CNOT10: variants seen among roughly 807,000 people sequenced by gnomAD.
The protein encoded by CNOT10 is CCR4-NOT transcription complex subunit 10.
CNOT10 carries 30 observed loss-of-function variants against 94.6 expected under a neutral mutation model. That is an observed-to-expected ratio of 0.32 (90% confidence interval 0.24 to 0.43). The LOEUF (loss-of-function observed/expected upper bound fraction) is 0.43. Ranked by LOEUF, CNOT10 falls within the 20% of genes least tolerant of loss-of-function variation. CNOT10 has a pLI of 1.00. For missense variants in CNOT10, 759 were observed against 877.2 expected, an observed-to-expected ratio of 0.87 and a Z score of 1.70; for synonymous variants, 289 against 301.6, an observed-to-expected ratio of 0.96 and a Z score of 0.43.
intron 10 of CNOT10, among the ~76,000 whole-genome samples, chr3:32,733,157 A>C (rs1203182916): frequency 6.6e-6 from 1 of 152,154 alleles, no homozygotes; most frequent in Non-Finnish European, 1.5e-5. Flanking sequence ...GATTCTAAAT[A>C]AATTATTGGG....
At chr3:32,700,845 T>C (rs1040878895) in intron 1 of CNOT10, among the ~76,000 whole-genome samples, 30 of 152,348 alleles carry the variant, frequency 2.0e-4, no homozygotes, top group African/African-American at 5.3e-4. Context: ...TTTAATGATA[T>C]TTCCATTAGT....
At chr3:32,755,005 G>A (rs540815961) in intron 13 of CNOT10, among the ~76,000 whole-genome samples, 8 of 151,766 alleles carry the variant, frequency 5.3e-5, no homozygotes, top group African/African-American at 1.9e-4. Context: ...CCAGCACTTT[G>A]GGAGTCCAAG....
intron 13 of CNOT10, among the ~76,000 whole-genome samples, chr3:32,748,540 TCTCA>T (rs1238898059): frequency 3.2e-4 from 48 of 152,246 alleles, no homozygotes; most frequent in African/African-American, 1.1e-3. Context: ...AGAGATGGAG[TCTCA>T]CTCTGTGGCC....
At position 32,764,664 on chromosome 3, in the gene CNOT10, T is replaced by C. The variant is rs1700590523; in HGVS notation, c.1877-18T>C. 2 of 1,613,430 alleles carry C rather than the reference T, an allele frequency of 1.2e-6. No individual in the cohort carries two copies. Among genetic ancestry groups the C allele is most frequent in the Non-Finnish European group, 1.7e-6 (2 of 1,179,782 alleles). The stretch of plus-strand genomic sequence containing the variant: ...TTGGCACGGCCTCTTCACCAGTGTC[T>C]ACACTCTTTTTCCCCAGCTGGTAAG... On this transcript the variant is annotated intron_variant, in intron 16 of 18. Coordinates refer to ENST00000328834, the MANE Select transcript of CNOT10 (RefSeq NM_015442.3).
At chr3:32,705,083 A>AC in intron 3 of CNOT10, 111 bp downstream of exon 3, 3 of 735,866 alleles carry the variant, frequency 4.1e-6, no homozygotes, top group Non-Finnish European at 6.3e-6. Flanking sequence ...CTTGTCAGAA[A>AC]CATTTGTTAG....
chr3:32,740,548 A>G (rs547810801), intron 13 of CNOT10, among the ~76,000 whole-genome samples: 1 of 151,592 alleles, frequency 6.6e-6, no homozygotes, highest in Admixed American at 6.6e-5. Flanking sequence ...TTTTCATTAC[A>G]TTCAATTTCT....
intron 9 of CNOT10, among the ~76,000 whole-genome samples, chr3:32,726,175 C>T (rs1698657482): frequency 6.6e-6 from 1 of 152,084 alleles, no homozygotes; most frequent in African/African-American, 2.4e-5. Flanking sequence ...GAACTCCTGG[C>T]TTAAGTGATC....
At chr3:32,710,038 CAGGA>C (rs1697809287) in intron 4 of CNOT10, among the ~76,000 whole-genome samples, 1 of 150,314 alleles carries the variant, frequency 6.7e-6, no homozygotes, top group Non-Finnish European at 1.5e-5. Context: ...CCCAGCTACT[CAGGA>C]AGGCTGAGAC....
chr3:32,691,985 G>A (rs929780850), intron 1 of CNOT10, among the ~76,000 whole-genome samples: 1 of 151,348 alleles, frequency 6.6e-6, no homozygotes, highest in Non-Finnish European at 1.5e-5. Flanking sequence ...GGGAGGCAGA[G>A]GTTGCAGTGA....
At chr3:32,722,800 A>G (rs547534876) in intron 8 of CNOT10, among the ~76,000 whole-genome samples, 4 of 152,252 alleles carry the variant, frequency 2.6e-5, no homozygotes, top group African/African-American at 9.6e-5. Context: ...GCTGGCCAAC[A>G]TGGAGAAACC....
chr3:32,727,945 A>G, intron 10 of CNOT10, 75 bp downstream of exon 10: 1 of 1,054,094 alleles, frequency 9.5e-7, no homozygotes, highest in African/African-American at 1.7e-5. Flanking sequence ...AAAAAAAAAA[A>G]AAAACCTTGG....
chr3:32,737,297 G>A (rs1258720373), intron 12 of CNOT10, 113 bp from the exon 13 acceptor site: 6 of 649,194 alleles, frequency 9.2e-6, no homozygotes, highest in African/African-American at 1.9e-5. Context: ...CCTGAGCGAC[G>A]AGCAAAACTC....
Position 32,725,502 on chromosome 3 carries a change from C to T in CNOT10, c.915C>T (p.Ala305=). ...FWNNLGCIHF[A]MSKHNLGIFY... is the part of the protein sequence containing the mutation. Reference sequence around the variant, plus strand: ...ATAACCTTGGTTGCATCCATTTTGCCATGAGCAAGCACAATTTGGGAATAT... The same window carrying T: ...ATAACCTTGGTTGCATCCATTTTGCTATGAGCAAGCACAATTTGGGAATAT... Residue 305 remains alanine, a synonymous_variant, in exon 9 of 19, where the codon GCC becomes GCT. Transcript: ENST00000328834. 1.2e-6 allele frequency: 2 copies of T among 1,613,782 alleles called. No individual in the cohort carries two copies. The highest frequency in any genetic ancestry group is 1.7e-6 in the Non-Finnish European group (2 of 1,179,748).
At chr3:32,733,287 A>T (rs952223331) in intron 10 of CNOT10, 136 bp from the exon 11 acceptor site, 167 of 612,930 alleles carry the variant, frequency 2.7e-4, no homozygotes, top group Middle Eastern at 4.9e-4. Flanking sequence ...ACATGTTTCC[A>T]TTATCACCAA....
chr3:32,701,861 C>T (rs554415662), intron 1 of CNOT10, among the ~76,000 whole-genome samples: 158 of 152,286 alleles, frequency 1.0e-3, no homozygotes, highest in African/African-American at 3.3e-3. Context: ...GGTGCAATCT[C>T]GGCTCACTGC....
chr3:32,686,668 A>G (rs577749699), intron 1 of CNOT10, among the ~76,000 whole-genome samples: 25 of 152,322 alleles, frequency 1.6e-4, no homozygotes, highest in African/African-American at 5.3e-4. Context: ...GGGAGAGACT[A>G]TTAGACAGGA....
Position 32,687,944 on chromosome 3 carries a change from C to T in CNOT10, c.22+2462C>T, listed in dbSNP as rs139592348. Among the ~76,000 whole-genome samples the T allele has an allele frequency of 1.8e-3, 281 of 152,254 alleles. 2 individuals carry two copies. Among genetic ancestry groups the T allele is most frequent in the African/African-American group, 6.6e-3 (275 of 41,540 alleles). ...TTCATTCAGTCTATCTTACATGCTG[C>T]TTCCTCTCTGAGCTCACGAGGTCAG... On this transcript the variant is annotated intron_variant, in intron 1 of 18. Transcript: ENST00000328834.
At chr3:32,735,326 CAG>C (rs1169123980) in intron 12 of CNOT10, among the ~76,000 whole-genome samples, 2 of 137,098 alleles carry the variant, frequency 1.5e-5, no homozygotes, top group Admixed American at 1.4e-4. Context: ...GCTTTGGCGA[CAG>C]AGTGAGACTT....
chr3:32,689,353 CAAA>C (rs199702747), intron 1 of CNOT10, among the ~76,000 whole-genome samples: 5 of 76,244 alleles, frequency 6.6e-5, no homozygotes, highest in Admixed American at 1.4e-4. Flanking sequence ...AACACCATCT[CAAA>C]AAAAAAAAAA....
Sources: gnomAD v4.1 joint callset for allele counts (sites outside exome capture counted in the v4.1 genomes callset) on GRCh38, gnomAD v4.1.1 for gene constraint, MANE v1.5 for transcripts, NCBI Gene and HGNC (gene_info 2026-07-23, HGNC 2026-07-21) for gene names.